The following PLCB4 variants were observed in gnomAD, a reference collection of about 807,000 sequenced individuals.
PLCB4 encodes the protein 1-phosphatidylinositol 4,5-bisphosphate phosphodiesterase beta-4.
In PLCB4, 77 loss-of-function variants were observed where a neutral mutation model predicts 178.8. The observed-to-expected ratio is 0.43, with a 90% confidence interval of 0.36 to 0.52. PLCB4 has a LOEUF of 0.52. Among genes scored for constraint, PLCB4 ranks in the 20% least tolerant of loss-of-function variants. The probability of loss-of-function intolerance (pLI) is 0.00; values close to 1 mark genes in which losing one functional copy is unlikely to be tolerated. For synonymous variants in PLCB4, 496 were observed against 490.8 expected, an observed-to-expected ratio of 1.01 and a Z score of -0.14; for missense variants, 1,024 against 1,453.4, an observed-to-expected ratio of 0.70 and a Z score of 4.80.
chr20:9,121,289 GT>G (rs1388602761), intron 2 of PLCB4, among the ~76,000 whole-genome samples: 3 of 151,974 alleles, frequency 2.0e-5, no homozygotes, highest in South Asian at 2.1e-4. Context: ...TTTTTAACTA[GT>G]TTTTTTGTTT....
intron 2 of PLCB4, among the ~76,000 whole-genome samples, chr20:9,131,549 G>A (rs887753878): frequency 3.9e-5 from 6 of 152,162 alleles, no homozygotes; most frequent in South Asian, 2.1e-4. Context: ...AGGGACTAAC[G>A]TGTATGGTGG....
At chr20:9,168,240 G>C (rs539246938) in intron 2 of PLCB4, among the ~76,000 whole-genome samples, 1 of 152,102 alleles carries the variant, frequency 6.6e-6, no homozygotes. Context: ...AGACTCTCCC[G>C]GGGCTTTGGG....
chr20:9,434,289 G>A (rs554265816), intron 28 of PLCB4, among the ~76,000 whole-genome samples: 6 of 152,324 alleles, frequency 3.9e-5, no homozygotes, highest in South Asian at 4.1e-4. Context: ...CCTTCTGGGC[G>A]TAGGATTGGC....
intron 7 of PLCB4, among the ~76,000 whole-genome samples, chr20:9,347,416 A>G (rs143789227): frequency 1.1e-4 from 16 of 152,310 alleles, no homozygotes; most frequent in African/African-American, 2.4e-4. Flanking sequence ...AACCATAGCT[A>G]TAGACATCAG....
chr20:9,111,936 A>C (rs6140862), intron 2 of PLCB4, among the ~76,000 whole-genome samples: 1 of 151,930 alleles, frequency 6.6e-6, no homozygotes, highest in Non-Finnish European at 1.5e-5. Context: ...CTTAAAGTCC[A>C]CTAGTGGAAG....
At chr20:9,144,693 A>AG (rs1405105430) in intron 2 of PLCB4, among the ~76,000 whole-genome samples, 1 of 89,784 alleles carries the variant, frequency 1.1e-5, no homozygotes, top group African/African-American at 5.0e-5. Context: ...GAGGGGGAGG[A>AG]GGGGAAGGAG....
At chr20:9,352,478 CA>C (rs1421516732) in intron 7 of PLCB4, among the ~76,000 whole-genome samples, 12 of 152,156 alleles carry the variant, frequency 7.9e-5, no homozygotes, top group African/African-American at 2.9e-4. Context: ...GGAATGCTAA[CA>C]AAGCCATTTG....
chr20:9,293,938 C>T (rs6039435), intron 3 of PLCB4, among the ~76,000 whole-genome samples: 13,898 of 151,878 alleles, frequency 0.092, 1,517 homozygotes, highest in African/African-American at 0.26. Context: ...TGCTCAGTAC[C>T]GGGGGGCAAG....
chr20:9,354,513 A>G (rs114835260), intron 7 of PLCB4, among the ~76,000 whole-genome samples: 1 of 152,130 alleles, frequency 6.6e-6, no homozygotes, highest in African/African-American at 2.4e-5. Flanking sequence ...CCCTGCCCCC[A>G]AGTTGCTGAT....
intron 7 of PLCB4, among the ~76,000 whole-genome samples, chr20:9,356,113 T>C (rs1261410721): frequency 3.0e-4 from 46 of 152,366 alleles, no homozygotes; most frequent in East Asian, 7.7e-4. Context: ...AAGTGTTTGT[T>C]CATATCCTTT....
At chr20:9,294,697 C>T (rs2094613874) in intron 3 of PLCB4, among the ~76,000 whole-genome samples, 1 of 152,034 alleles carries the variant, frequency 6.6e-6, no homozygotes, top group Non-Finnish European at 1.5e-5. Flanking sequence ...TTTCTCAAAC[C>T]TTAGCTTACA....
chr20:9,106,437 A>G (rs1035036990), intron 2 of PLCB4, among the ~76,000 whole-genome samples: 13 of 151,932 alleles, frequency 8.6e-5, no homozygotes, highest in African/African-American at 3.1e-4. Context: ...ATATTTTCCC[A>G]GTCTGTTTTT....
At chr20:9,383,689 C>G (rs934236793) in intron 13 of PLCB4, among the ~76,000 whole-genome samples, 5 of 152,176 alleles carry the variant, frequency 3.3e-5, no homozygotes, top group African/African-American at 4.8e-5. Flanking sequence ...ACCATCATCT[C>G]CAAGAAAAAT....
chr20:9,312,649 A>G (rs894407935), intron 4 of PLCB4, among the ~76,000 whole-genome samples: 8 of 152,084 alleles, frequency 5.3e-5, no homozygotes, highest in African/African-American at 1.7e-4. Context: ...TCCAAATACA[A>G]TTTTCAAAAG....
At chr20:9,228,812 G>A (rs1294526134) in intron 3 of PLCB4, among the ~76,000 whole-genome samples, 2 of 152,142 alleles carry the variant, frequency 1.3e-5, no homozygotes, top group African/African-American at 4.8e-5. Context: ...AGGGCAGAAG[G>A]CCCAGGGCCA....
At chr20:9,276,854 C>T (rs965115037) in intron 3 of PLCB4, among the ~76,000 whole-genome samples, 1 of 151,996 alleles carries the variant, frequency 6.6e-6, no homozygotes, top group Non-Finnish European at 1.5e-5. Context: ...GTGGGAGGAT[C>T]GCTTGAACCC....
chr20:9,270,839 AT>A (rs970874650), intron 3 of PLCB4, among the ~76,000 whole-genome samples: 13 of 152,052 alleles, frequency 8.5e-5, no homozygotes, highest in Admixed American at 7.2e-4. Flanking sequence ...AAAAACAAAT[AT>A]TTTTTAGATG....
chr20:9,344,598 T>G (rs1392076158), intron 7 of PLCB4, among the ~76,000 whole-genome samples: 1 of 152,214 alleles, frequency 6.6e-6, no homozygotes, highest in Non-Finnish European at 1.5e-5. Context: ...AACTCAAGTT[T>G]GTACAGTTCA....
At chr20:9,290,506 C>A (rs963585229) in intron 3 of PLCB4, among the ~76,000 whole-genome samples, 1 of 152,094 alleles carries the variant, frequency 6.6e-6, no homozygotes, top group African/African-American at 2.4e-5. Flanking sequence ...GCAATGGAAG[C>A]AAACATGTTT....
Sources: allele counts gnomAD v4.1 joint callset (sites outside exome capture counted in the v4.1 genomes callset), GRCh38; gene constraint gnomAD v4.1.1; transcripts MANE v1.5; gene names NCBI Gene and HGNC (gene_info 2026-07-23, HGNC 2026-07-21).